Variants in BPTF observed in about 807,000 individuals in gnomAD.
The protein encoded by BPTF is bromodomain PHD finger transcription factor.
A neutral mutation model predicts 292.5 loss-of-function variants in BPTF; 18 were observed. That is an observed-to-expected ratio of 0.06 (90% CI 0.04 to 0.09). BPTF has a LOEUF of 0.09. Ranked by LOEUF, BPTF falls within the 10% of genes least tolerant of loss-of-function variation. BPTF has a pLI of 1.00. For synonymous variants in BPTF, 1,225 were observed against 1,251.9 expected, an observed-to-expected ratio of 0.98 and a Z score of 0.45; for missense variants, 2,726 against 3,498.7, an observed-to-expected ratio of 0.78 and a Z score of 5.57.
intron 20 of BPTF, among the ~76,000 whole-genome samples, chr17:67,944,955 G>A (rs555872887): frequency 2.0e-5 from 3 of 152,074 alleles, no homozygotes; most frequent in South Asian, 2.1e-4. Context: ...GTTTCAGAGC[G>A]TCCTGCCCTA....
intron 2 of BPTF, among the ~76,000 whole-genome samples, chr17:67,863,087 T>G (rs759170572): frequency 2.2e-4 from 33 of 152,040 alleles, no homozygotes; most frequent in Non-Finnish European, 4.9e-4. Flanking sequence ...TGGGGTGGCT[T>G]GAAAAAATAT....
intron 2 of BPTF, among the ~76,000 whole-genome samples, chr17:67,856,503 C>T (rs1397431290): frequency 6.6e-6 from 1 of 152,060 alleles, no homozygotes; most frequent in Non-Finnish European, 1.5e-5. Context: ...ATTTTCTGCT[C>T]CTCATTAACA....
At chr17:67,929,932 A>G (rs1208002733) in intron 17 of BPTF, among the ~76,000 whole-genome samples, 1 of 151,618 alleles carries the variant, frequency 6.6e-6, no homozygotes, top group Admixed American at 6.5e-5. Context: ...CCTGGGCAAC[A>G]TGGCAAAACC....
chr17:67,927,616 TC>T (rs1394879642), intron 15 of BPTF, among the ~76,000 whole-genome samples: 4 of 152,194 alleles, frequency 2.6e-5, no homozygotes, highest in African/African-American at 9.6e-5. Flanking sequence ...CTTTCACAGC[TC>T]CATTTGTTCT....
At chr17:67,976,654 C>T (rs2069461125) in intron 27 of BPTF, among the ~76,000 whole-genome samples, 1 of 142,526 alleles carries the variant, frequency 7.0e-6, no homozygotes, top group African/African-American at 2.7e-5. Flanking sequence ...CCACTGCTCT[C>T]CAACCTGAGT....
intron 18 of BPTF, 69 bp from the exon 19 acceptor site, chr17:67,940,370 T>C (rs2065268894): frequency 9.5e-6 from 13 of 1,373,246 alleles, no homozygotes; most frequent in East Asian, 2.4e-5. Flanking sequence ...ATGTGAGGTG[T>C]TGAATTATTT....
intron 4 of BPTF, among the ~76,000 whole-genome samples, chr17:67,884,714 C>A (rs1458282073): frequency 4.6e-5 from 7 of 152,154 alleles, no homozygotes; most frequent in Non-Finnish European, 1.0e-4. Flanking sequence ...CTGCTCCCAG[C>A]CTTCATAGGC....
intron 4 of BPTF, among the ~76,000 whole-genome samples, 166 bp downstream of exon 4, chr17:67,875,186 A>G (rs913506727): frequency 4.6e-5 from 7 of 152,180 alleles, no homozygotes; most frequent in Non-Finnish European, 8.8e-5. Context: ...AACAATTGTA[A>G]TGAGTTTTAT....
chr17:67,886,368 C>A (rs1598430599), intron 4 of BPTF: 2 of 1,289,044 alleles, frequency 1.6e-6, no homozygotes, highest in South Asian at 2.1e-5. Context: ...TCTTTTTTTT[C>A]TTTTTTTTGT....
Position 67,918,979 on chromosome 17 carries a change from T to C in BPTF, c.5428+141T>C. ...TGAGGTCAGGAGATCCTGACCATCC[T>C]GGCTAACATGGTGAAACCCCGTCTC... On this transcript the variant is annotated intron_variant, in intron 12 of 27. Coordinates refer to ENST00000306378, the MANE Select transcript of BPTF (RefSeq NM_182641.4). 3.8e-6 allele frequency: 3 copies of C among 789,658 alleles called. No individual in the cohort carries two copies. In the South Asian group the frequency reaches 5.9e-5, roughly 16 times the overall value. The allele number at this position is 789,658 out of a possible 1,614,324, so 48.9% of individuals were successfully genotyped here. A position where few individuals can be genotyped will look rare whatever the true frequency, so the allele number is the denominator to read the frequency against.
At chr17:67,914,072 C>T (rs1356657168) in intron 11 of BPTF, among the ~76,000 whole-genome samples, 2 of 152,090 alleles carry the variant, frequency 1.3e-5, no homozygotes, top group Non-Finnish European at 2.9e-5. Flanking sequence ...GTTCTGGGAA[C>T]ATCTTTAGAA....
chr17:67,943,377 CT>C (rs1476429612), intron 19 of BPTF, among the ~76,000 whole-genome samples: 2 of 152,154 alleles, frequency 1.3e-5, no homozygotes, highest in African/African-American at 4.8e-5. Flanking sequence ...ATGGTTTTTA[CT>C]TTTGCTTTCC....
intron 1 of BPTF, among the ~76,000 whole-genome samples, chr17:67,839,996 C>G (rs2057422944): frequency 6.6e-6 from 1 of 151,960 alleles, no homozygotes; most frequent in African/African-American, 2.4e-5. Context: ...AGTGATATCC[C>G]CTTCTGGTTT....
intron 1 of BPTF, among the ~76,000 whole-genome samples, chr17:67,836,163 A>G (rs576702268): frequency 1.2e-4 from 18 of 152,262 alleles, no homozygotes; most frequent in Admixed American, 3.3e-4. Flanking sequence ...CCTGTATAAA[A>G]CGTCTTAGGA....
chr17:67,938,559 G>A (rs2065108811), intron 18 of BPTF, among the ~76,000 whole-genome samples: 1 of 152,140 alleles, frequency 6.6e-6, no homozygotes. Flanking sequence ...TGTGGGAATT[G>A]GCTGCATGAC....
Position 67,866,671 on chromosome 17 carries a change from T to C in BPTF, c.1644T>C (p.Phe548=). 6.2e-7 allele frequency: 1 copy of C among 1,613,370 alleles called. No homozygotes were observed. Among genetic ancestry groups the C allele is most frequent in the Non-Finnish European group, 8.5e-7 (1 of 1,179,412 alleles). The change falls in exon 3 of 28, where the codon TTT becomes TTC. Residue 548 remains phenylalanine, a synonymous_variant. Coordinates refer to ENST00000306378, the MANE Select transcript of BPTF (RefSeq NM_182641.4). ...TNKARGSNKS[F]LAAANEEILE... ...AGGCTCGGGGCAGTAACAAATCCTTTCTGGCGGCAGCTAATGGTGAGAGGG... is the reference window on the plus strand; with the variant it reads ...AGGCTCGGGGCAGTAACAAATCCTTCCTGGCGGCAGCTAATGGTGAGAGGG...
chr17:67,953,696 C>G (rs572442622), intron 23 of BPTF, among the ~76,000 whole-genome samples: 61 of 151,948 alleles, frequency 4.0e-4, no homozygotes, highest in Non-Finnish European at 7.9e-4. Context: ...CTGCCTCAGC[C>G]TCCCGAGTAG....
intron 2 of BPTF, among the ~76,000 whole-genome samples, chr17:67,858,786 C>G (rs552527016): frequency 2.0e-5 from 3 of 152,274 alleles, no homozygotes; most frequent in Admixed American, 6.5e-5. Flanking sequence ...CCAATTCTCC[C>G]ATTCCTGTGC....
At chr17:67,957,798 G>A (rs2067100210) in intron 23 of BPTF, among the ~76,000 whole-genome samples, 1 of 152,154 alleles carries the variant, frequency 6.6e-6, no homozygotes, top group African/African-American at 2.4e-5. Context: ...CAAGGCTACA[G>A]CAAGCCGTGT....
Sources: allele counts gnomAD v4.1 joint callset (sites outside exome capture counted in the v4.1 genomes callset), GRCh38; gene constraint gnomAD v4.1.1; transcripts MANE v1.5; gene names NCBI Gene and HGNC (gene_info 2026-07-23, HGNC 2026-07-21).